The following L3MBTL4 variants were observed in gnomAD, a reference collection of about 807,000 sequenced individuals.
The protein encoded by L3MBTL4 is L3MBTL histone methyl-lysine binding protein 4, also known as lethal(3)malignant brain tumor-like protein 4.
L3MBTL4 carries 70 observed loss-of-function variants against 84.5 expected under a neutral mutation model. The ratio of observed to expected loss-of-function variants is 0.83; its 90% CI spans 0.68 to 1.01. The LOEUF is 1.01. Ranked by LOEUF, L3MBTL4 falls within the 50% of genes least tolerant of loss-of-function variation. L3MBTL4 has a pLI of 0.00. For synonymous variants in L3MBTL4, 274 were observed against 259.8 expected (o/e 1.05, Z -0.52); for missense variants, 715 against 754.8 (o/e 0.95, Z 0.62).
intron 13 of L3MBTL4, among the ~76,000 whole-genome samples, chr18:6,148,215 C>A (rs2042735473): frequency 6.6e-6 from 1 of 152,148 alleles, no homozygotes; most frequent in Non-Finnish European, 1.5e-5. Context: ...TCAAAAATGT[C>A]ACATTAGTAT....
intron 16 of L3MBTL4, among the ~76,000 whole-genome samples, chr18:6,005,035 G>C (rs2054406777): frequency 2.7e-5 from 1 of 36,622 alleles, no homozygotes; most frequent in Non-Finnish European, 5.4e-5. Context: ...TTTACTTTTA[G>C]TTCAGGAGTA....
chr18:5,964,899 T>C (rs2052267556), intron 17 of L3MBTL4, among the ~76,000 whole-genome samples: 1 of 152,108 alleles, frequency 6.6e-6, no homozygotes, highest in African/African-American at 2.4e-5. Flanking sequence ...ACTCGAACAT[T>C]TGTCAAACAC....
At chr18:6,288,903 G>A (rs920751155) in intron 4 of L3MBTL4, among the ~76,000 whole-genome samples, 1 of 151,466 alleles carries the variant, frequency 6.6e-6, no homozygotes, top group Non-Finnish European at 1.5e-5. Flanking sequence ...TTTCTGGGTC[G>A]TATCCAAATA....
chr18:6,098,998 C>T (rs2058726652), intron 14 of L3MBTL4, among the ~76,000 whole-genome samples: 1 of 152,124 alleles, frequency 6.6e-6, no homozygotes, highest in Non-Finnish European at 1.5e-5. Context: ...GAGAAAGGGG[C>T]TCAGCGATGG....
chr18:6,303,407 C>T (rs903765838), intron 3 of L3MBTL4, among the ~76,000 whole-genome samples: 1 of 152,144 alleles, frequency 6.6e-6, no homozygotes, highest in Non-Finnish European at 1.5e-5. Flanking sequence ...AGGCATGCAC[C>T]ACTGCGCCTG....
At chr18:6,292,351 A>G (rs1485653772) in intron 4 of L3MBTL4, among the ~76,000 whole-genome samples, 4 of 152,112 alleles carry the variant, frequency 2.6e-5, no homozygotes, top group African/African-American at 9.7e-5. Flanking sequence ...ATTTCTACAC[A>G]TTGTTCTCAT....
chr18:6,359,515 G>T (rs2053588054), intron 1 of L3MBTL4, among the ~76,000 whole-genome samples: 1 of 151,788 alleles, frequency 6.6e-6, no homozygotes, highest in South Asian at 2.1e-4. Flanking sequence ...GCTAAAATAA[G>T]TTTTCTCTAA....
At position 6,325,505 on chromosome 18, in the gene L3MBTL4, T is replaced by C. The variant is rs116164263; in HGVS notation, c.-90-13449A>G. On this transcript the variant is annotated intron_variant, in intron 1 of 18. Transcript: ENST00000317931. ...CAGCTTTATACTACCATTTTTAAAA[T>C]ACAAAATCAAGCAAAAGCCCTTAAT... Among the ~76,000 whole-genome samples the C allele has an allele frequency of 3.6e-3, 548 of 152,156 alleles. 5 individuals carry two copies. The highest frequency in any genetic ancestry group is 0.013 in the African/African-American group (538 of 41,504).
chr18:6,378,367 G>A (rs1008003846), intron 1 of L3MBTL4, among the ~76,000 whole-genome samples: 9 of 152,058 alleles, frequency 5.9e-5, no homozygotes, highest in Admixed American at 2.6e-4. Flanking sequence ...CATTGCTTTT[G>A]GTGTTTTAGA....
intron 1 of L3MBTL4, among the ~76,000 whole-genome samples, chr18:6,319,011 C>T (rs2051266720): frequency 6.6e-6 from 1 of 152,056 alleles, no homozygotes; most frequent in African/African-American, 2.4e-5. Context: ...GGAAAGTAAA[C>T]AATCTGCCCA....
intron 12 of L3MBTL4, among the ~76,000 whole-genome samples, chr18:6,174,072 A>C (rs1345481221): frequency 6.6e-6 from 1 of 151,984 alleles, no homozygotes; most frequent in Admixed American, 6.6e-5. Flanking sequence ...ACCCTAAAAA[A>C]GGGGTAAAAT....
intron 12 of L3MBTL4, among the ~76,000 whole-genome samples, chr18:6,203,536 C>T (rs1426432960): frequency 6.6e-6 from 1 of 152,104 alleles, no homozygotes; most frequent in East Asian, 1.9e-4. Context: ...GAATTCAGAG[C>T]CAAAAGAAGC....
intron 1 of L3MBTL4, among the ~76,000 whole-genome samples, chr18:6,354,131 T>G (rs929632406): frequency 6.6e-6 from 1 of 151,996 alleles, no homozygotes; most frequent in African/African-American, 2.4e-5. Context: ...CAAATCCACA[T>G]ACCTACAGTG....
intron 4 of L3MBTL4, among the ~76,000 whole-genome samples, chr18:6,266,975 C>A (rs193277553): frequency 3.3e-5 from 5 of 151,690 alleles, no homozygotes; most frequent in African/African-American, 1.2e-4. Context: ...AATTTCTGAG[C>A]CCCTGTTAAT....
intron 13 of L3MBTL4, among the ~76,000 whole-genome samples, chr18:6,155,262 A>C (rs2043055497): frequency 6.6e-6 from 1 of 152,220 alleles, no homozygotes. Context: ...AATTTTTATG[A>C]AGCACTGAAC....
chr18:6,121,685 C>CGTGT (rs762077935), intron 14 of L3MBTL4, among the ~76,000 whole-genome samples: 7,134 of 142,732 alleles, frequency 0.05, 184 homozygotes, highest in Middle Eastern at 0.066. Context: ...ATTGTTTCCC[C>CGTGT]GTGTGTGTGT....
intron 16 of L3MBTL4, among the ~76,000 whole-genome samples, chr18:5,992,460 C>G (rs894224603): frequency 2.6e-5 from 4 of 152,132 alleles, no homozygotes; most frequent in Non-Finnish European, 5.9e-5. Flanking sequence ...CCAGGAAATC[C>G]CCCAAGAACA....
chr18:6,175,498 A>AG (rs1248715327), intron 12 of L3MBTL4, among the ~76,000 whole-genome samples: 2 of 152,352 alleles, frequency 1.3e-5, no homozygotes, highest in African/African-American at 4.8e-5. Context: ...GAAGAGTACT[A>AG]GCAACAGCAA....
At chr18:6,000,694 G>C (rs1481401474) in intron 16 of L3MBTL4, among the ~76,000 whole-genome samples, 1 of 152,072 alleles carries the variant, frequency 6.6e-6, no homozygotes, top group Non-Finnish European at 1.5e-5. Flanking sequence ...TATATCATAA[G>C]GGCATACCAT....
Sources: gnomAD v4.1 joint callset for allele counts (sites outside exome capture counted in the v4.1 genomes callset) on GRCh38, gnomAD v4.1.1 for gene constraint, MANE v1.5 for transcripts, NCBI Gene and HGNC (gene_info 2026-07-23, HGNC 2026-07-21) for gene names.